Variants in TONSL observed in about 807,000 individuals in gnomAD.
The protein encoded by TONSL is tonsoku like, DNA repair protein, also known as tonsoku-like protein.
Under a neutral mutation model 147.1 loss-of-function variants are expected in TONSL, and 112 were observed. The observed-to-expected ratio is 0.76, with a 90% CI of 0.65 to 0.89. The LOEUF is 0.89. Among genes scored for constraint, TONSL ranks in the 40% least tolerant of loss-of-function variants. The probability of loss-of-function intolerance (pLI) is 0.00; values close to 1 mark genes in which losing one functional copy is unlikely to be tolerated. For synonymous variants in TONSL, 868 were observed against 801.5 expected (o/e 1.08, Z -1.40); for missense variants, 1,883 against 1,864.6 (o/e 1.01, Z -0.18).
chr8:144,429,623 A>G (rs1554878207), intron 25 of TONSL, among the ~76,000 whole-genome samples: 1 of 152,196 alleles, frequency 6.6e-6, no homozygotes, highest in Admixed American at 6.5e-5. Context: ...TAAGAAGGAC[A>G]TAATGGATCT....
Position 144,434,144 on chromosome 8 carries a change from T to C in TONSL, c.3221A>G (p.Glu1074Gly). The C allele has an allele frequency of 6.2e-7, 1 of 1,611,506 alleles. No homozygotes were observed. Among genetic ancestry groups the C allele is most frequent in the Non-Finnish European group, 8.5e-7 (1 of 1,179,224 alleles). Residue 1074 changes from glutamate (E) to glycine (G), a missense_variant, in exon 21 of 26, where the codon GAG becomes GGG. Glu to Gly is a moderately conservative substitution (Grantham distance 98). Coordinates refer to ENST00000409379, the MANE Select transcript of TONSL (RefSeq NM_013432.5). ...CAGCCGGTTCCCTGCCAGGCGCAGC[T>C]CCCGGAGTGCTGTGTGCAGCTTGAG... ...RALKLHTALR[E>G]LRLAGNRLGD...
In TONSL at chr8:144,443,145, C is replaced by T; in HGVS notation, c.441G>A (p.Glu147=). 6.4e-7 allele frequency: 1 copy of T among 1,550,402 alleles called. No homozygotes were observed. The highest frequency in any genetic ancestry group is 8.7e-7 in the Non-Finnish European group (1 of 1,146,830). The stretch of plus-strand genomic sequence containing the variant: ...GCGGAGGGGTCTGCCCACCCTCCAG[C>T]TCCTCATCCACAATAGCCAAGCTCT... ...FEKSLAIVDE[E]LEGTLAQGEL... The change falls in exon 4 of 26, where the codon GAG becomes GAA. Residue 147 remains glutamate, a synonymous_variant. Coordinates refer to ENST00000409379, the MANE Select transcript of TONSL (RefSeq NM_013432.5).
chr8:144,442,028 C>A lies in TONSL; in HGVS notation c.865+9G>T. On this transcript the variant is annotated intron_variant, in intron 7 of 25. Transcript: ENST00000409379. The stretch of plus-strand genomic sequence containing the variant: ...CCTCCCAGGGCCCCATTCGCACCCC[C>A]AGGCTCACCATGCTGGAGGTTCTGA... 6.2e-7 allele frequency: 1 copy of A among 1,611,988 alleles called. No homozygotes were observed. The highest frequency in any genetic ancestry group is 1.1e-5 in the South Asian group (1 of 91,040).
chr8:144,430,848 G>A (rs1310814419), intron 24 of TONSL, among the ~76,000 whole-genome samples: 5 of 152,226 alleles, frequency 3.3e-5, no homozygotes, highest in African/African-American at 1.2e-4. Context: ...GAATGACAAG[G>A]ACACCCCCGG....
In TONSL at chr8:144,444,248, T is replaced by C. The variant is rs1005105136; in HGVS notation, c.53A>G (p.Gln18Arg). 9.6e-6 allele frequency: 14 copies of C among 1,455,466 alleles called. No homozygotes were observed. In the Admixed American group the frequency reaches 9.8e-5, roughly 10 times the overall value. 90.2% of individuals were successfully genotyped at this position (1,455,466 alleles called of 1,614,324 possible). The change falls in exon 2 of 26, where the codon CAG becomes CGG. Residue 18 changes from glutamine (Q) to arginine (R), a missense_variant. Physicochemically the swap from Gln to Arg is conservative, Grantham distance 43 (BLOSUM62 1). Coordinates refer to ENST00000409379, the MANE Select transcript of TONSL (RefSeq NM_013432.5). ...RQLSKAKAKAQRAGQRREEAA... is the reference protein window; with the variant it reads ...RQLSKAKAKARRAGQRREEAA... ...CTCTTCGCGCCGCTGCCCGGCCCTC[T>C]GCGCCTTGGCTTTCGCCTTGCTCAG... is the stretch of plus-strand genomic sequence containing the variant.
rs1424148372 is a variant in TONSL at position 144,441,112 on chromosome 8, C to G, written c.866-1G>C. The G allele has an allele frequency of 6.2e-7, 1 of 1,612,718 alleles. No homozygotes were observed. The highest frequency in any genetic ancestry group is 1.7e-4 in the Middle Eastern group (1 of 6,054). The stretch of plus-strand genomic sequence containing the variant: ...TGCTGCAGCCGGACCACTGCCAGCA[C>G]TGCCGGGAAGAGGTTCATGCAGGGG... On this transcript the variant is annotated splice_acceptor_variant, in intron 7 of 25. Coordinates refer to ENST00000409379, the MANE Select transcript of TONSL (RefSeq NM_013432.5). LOFTEE classifies it high-confidence loss of function.
At position 144,436,323 on chromosome 8, in the gene TONSL, T is replaced by A. The variant is rs1374206183; in HGVS notation, c.2110A>T (p.Asn704Tyr). ...PLSPCPEPPS[N>Y]STRLPEASQA... ...GAGGCCTCTGGGAGTCTAGTGCTAT[T>A]AGAGGGGGGTTCTGGGCAGGGGCTC... Residue 704 changes from asparagine (N) to tyrosine (Y), a missense_variant, in exon 17 of 26, where the codon AAT becomes TAT. Asn to Tyr is a moderately radical substitution (Grantham distance 143). Coordinates refer to ENST00000409379, the MANE Select transcript of TONSL (RefSeq NM_013432.5). 5.3e-6 allele frequency: 8 copies of A among 1,502,566 alleles called. No homozygotes were observed. Among genetic ancestry groups the A allele is most frequent in the Non-Finnish European group, 7.1e-6 (8 of 1,132,876 alleles). The allele number at this position is 1,502,566 out of a possible 1,614,324, so 93.1% of individuals were successfully genotyped here.
rs868597759 is a variant in TONSL, at chr8:144,442,930, G to C, written c.449-124C>G. On this transcript the variant is annotated intron_variant, in intron 4 of 25. Coordinates refer to ENST00000409379, the MANE Select transcript of TONSL (RefSeq NM_013432.5). The stretch of plus-strand genomic sequence containing the variant: ...CTCCCTCCTCCCGAGGTGGGTGCAA[G>C]TGTCCTGCGGCAGATGGAGCACAGA... The C allele has an allele frequency of 1.5e-5, 20 of 1,362,546 alleles. 1 individual carries two copies. In the Middle Eastern group the frequency reaches 3.1e-3, roughly 215 times the overall value. The allele number at this position is 1,362,546 out of a possible 1,614,324, so 84.4% of individuals were successfully genotyped here. A position where few individuals can be genotyped will look rare whatever the true frequency, so the allele number is the denominator to read the frequency against.
chr8:144,431,953 G>A (rs568643812), intron 23 of TONSL, among the ~76,000 whole-genome samples: 4 of 150,558 alleles, frequency 2.7e-5, no homozygotes, highest in South Asian at 2.1e-4. Flanking sequence ...TCAGCATCCC[G>A]AGTAGCTGGG....
Position 144,435,463 on chromosome 8 carries a change from C to G in TONSL, c.2852+11G>C. On this transcript the variant is annotated intron_variant, in intron 18 of 25. Transcript: ENST00000409379. ...CAGGTGGGCTGCGGGGTAGGGCAGG[C>G]GATGCCTCACCTGTGTGGGACAGGG... 6.5e-7 allele frequency: 1 copy of G among 1,535,114 alleles called. No individual in the cohort carries two copies. Among genetic ancestry groups the G allele is most frequent in the Non-Finnish European group, 8.8e-7 (1 of 1,136,812 alleles).
chr8:144,432,429 G>A lies in TONSL; in HGVS notation c.3591C>T (p.Ser1197=). The change falls in exon 23 of 26, where the codon TCC becomes TCT. Residue 1197 remains serine (S), a synonymous_variant. Transcript: ENST00000409379. ...DAEHLKTLSL[S]YNALGAPALA... ...GGGCAGGGGCTCCCAGGGCGTTGTA[G>A]GACAGGGACAGGGTCTTCAGGTGCT... The A allele has an allele frequency of 1.9e-6, 3 of 1,571,074 alleles. No homozygotes were observed. Among genetic ancestry groups the A allele is most frequent in the South Asian group, 1.2e-5 (1 of 85,024 alleles).
rs34149392 is a variant in TONSL, at chr8:144,436,326, AG to A, written c.2106del (p.Ser703LeufsTer140). 1 of 1,500,546 alleles carries A rather than the reference AG, an allele frequency of 6.7e-7. No individual in the cohort carries two copies. The highest frequency in any genetic ancestry group is 8.8e-7 in the Non-Finnish European group (1 of 1,131,952). The allele number at this position is 1,500,546 out of a possible 1,614,324, so 93.0% of individuals were successfully genotyped here. ...SPPLSPCPEP[P>X]SNSTRLPEAS... is the part of the protein sequence containing the mutation. ...GCCTCTGGGAGTCTAGTGCTATTAGAGGGGGGTTCTGGGCAGGGGCTCAAAG... is the reference window on the plus strand; with the variant it reads ...GCCTCTGGGAGTCTAGTGCTATTAGAGGGGGTTCTGGGCAGGGGCTCAAAG... On this transcript the variant is annotated frameshift_variant, in exon 17 of 26. Coordinates refer to ENST00000409379, the MANE Select transcript of TONSL (RefSeq NM_013432.5). LOFTEE classifies it high-confidence loss of function.
rs145728201 is a variant in TONSL, at chr8:144,429,842, C to T, written c.3944-506G>A. Among the ~76,000 whole-genome samples the T allele has an allele frequency of 4.3e-3, 660 of 152,290 alleles. 4 individuals carry two copies. The highest frequency in any genetic ancestry group is 0.015 in the African/African-American group (628 of 41,548). On this transcript the variant is annotated intron_variant, in intron 25 of 25. Coordinates refer to ENST00000409379, the MANE Select transcript of TONSL (RefSeq NM_013432.5). The stretch of plus-strand genomic sequence containing the variant: ...ACAGGAAGAAAGCAGAGCCCCGCTT[C>T]GTGCACATTCACTTAAGCCCTCATC...
Position 144,440,089 on chromosome 8 carries a change from GCCT to G in TONSL, c.1409_1411del (p.Glu470del), listed in dbSNP as rs745438969. 115 of 1,604,912 alleles carry G rather than the reference GCCT, an allele frequency of 7.2e-5. No homozygotes were observed. The highest frequency in any genetic ancestry group is 1.7e-4 in the Middle Eastern group (1 of 6,060). On this transcript the variant is annotated inframe_deletion, in exon 11 of 26. Transcript: ENST00000409379. Reference sequence around the variant, plus strand: ...CTCCGCTGTGGCTGCCGCCTCCTCCGCCTCCTCCTCCTCATCTTCATCTTCAGC... The same window carrying G: ...CTCCGCTGTGGCTGCCGCCTCCTCCGCCTCCTCCTCATCTTCATCTTCAGC...
Position 144,429,305 on chromosome 8 carries a change from G to C in TONSL, c.3975C>G (p.Gly1325=). Residue 1325 remains glycine (G), a synonymous_variant, in exon 26 of 26, where the codon GGC becomes GGG. Coordinates refer to ENST00000409379, the MANE Select transcript of TONSL (RefSeq NM_013432.5). Reference sequence around the variant, plus strand: ...GCTGCGCGGCTATCTTGTCCCACAGGCCCAGGCCCAGGGGACCCTGGACGG... The same window carrying C: ...GCTGCGCGGCTATCTTGTCCCACAGCCCCAGGCCCAGGGGACCCTGGACGG... ...GCAVQGPLGL[G]LWDKIAAQLR... 1 of 1,491,512 alleles carries C rather than the reference G, an allele frequency of 6.7e-7. No homozygotes were observed. The highest frequency in any genetic ancestry group is 9.0e-7 in the Non-Finnish European group (1 of 1,116,278). 92.4% of individuals were successfully genotyped at this position (1,491,512 alleles called of 1,614,324 possible).
chr8:144,435,916 G>A lies in TONSL; in HGVS notation c.2517C>T (p.Asp839=). ...GCCGGCGGCTGCGGGTCAGGGGCAT[G>A]TCCAGCTCCAGCCAGTCCCCGGCCA... is the stretch of plus-strand genomic sequence containing the variant. ...ECLAGDWLEL[D]MPLTRSRRPR... is the part of the protein sequence containing the mutation. Residue 839 remains aspartate (D), a synonymous_variant, in exon 17 of 26, where the codon GAC becomes GAT. Transcript: ENST00000409379. 1 of 1,585,756 alleles carries A rather than the reference G, an allele frequency of 6.3e-7. No individual in the cohort carries two copies.
chr8:144,443,985 A>G lies in TONSL; in HGVS notation c.161T>C (p.Leu54Pro). 3.2e-6 allele frequency: 5 copies of G among 1,540,100 alleles called. No individual in the cohort carries two copies. The highest frequency in any genetic ancestry group is 4.4e-6 in the Non-Finnish European group (5 of 1,146,582). The change falls in exon 3 of 26, where the codon CTG becomes CCG. Residue 54 changes from leucine to proline, a missense_variant. Physicochemically the swap from Leu to Pro is moderately conservative, Grantham distance 98. Transcript: ENST00000409379. ...AEALEQHWQE[L>P]QLRERADDPL... Reference sequence around the variant, plus strand: ...GTCGTCAGCGCGCTCCCGAAGCTGCAGCTCCTGCCAGTGCTGCTCCAGAGC... The same window carrying G: ...GTCGTCAGCGCGCTCCCGAAGCTGCGGCTCCTGCCAGTGCTGCTCCAGAGC...
chr8:144,436,130 C>A lies in TONSL; in HGVS notation c.2303G>T (p.Arg768Leu). ...KRPRCSATAQ[R>L]VAAWTPGPAS... ...GGGGCCAGGCGTCCAGGCTGCCACC[C>A]GTTGTGCTGTGGCCGAGCACCGAGG... The change falls in exon 17 of 26, where the codon CGG becomes CTG. Residue 768 changes from arginine (R) to leucine (L), a missense_variant. Transcript: ENST00000409379. The A allele has an allele frequency of 6.4e-7, 1 of 1,561,594 alleles. No individual in the cohort carries two copies. Among genetic ancestry groups the A allele is most frequent in the Non-Finnish European group, 8.6e-7 (1 of 1,160,388 alleles).
At chr8:144,432,784 C>G (rs1823265532) in intron 22 of TONSL, 2 of 231,974 alleles carry the variant, frequency 8.6e-6, no homozygotes, top group Non-Finnish European at 1.7e-5. Flanking sequence ...TTACACTCCC[C>G]CTGGATGACA....
Sources: gnomAD v4.1 joint callset for allele counts (sites outside exome capture counted in the v4.1 genomes callset) on GRCh38, gnomAD v4.1.1 for gene constraint, MANE v1.5 for transcripts, NCBI Gene and HGNC (gene_info 2026-07-23, HGNC 2026-07-21) for gene names.